ANK2: variants seen among roughly 807,000 people sequenced by gnomAD.
ANK2 encodes the protein ankyrin 2, also known as ankyrin-2.
In ANK2, 83 loss-of-function variants were observed where a neutral mutation model predicts 360.5. The observed-to-expected ratio is 0.23, with a 90% CI of 0.19 to 0.28. ANK2 has a LOEUF of 0.28. ANK2 is among the 10% of genes least tolerant of loss of function. The pLI, the probability that ANK2 is intolerant of heterozygous loss-of-function variation, is 1.00. For synonymous variants in ANK2, 1,740 were observed against 1,759.5 expected (o/e 0.99, Z 0.28); for missense variants, 4,201 against 4,795.7 (o/e 0.88, Z 3.66).
At chr4:112,874,449 T>C (rs2074326048) in intron 1 of ANK2, among the ~76,000 whole-genome samples, 1 of 149,456 alleles carries the variant, frequency 6.7e-6, no homozygotes, top group Non-Finnish European at 1.5e-5. Context: ...GAGACCAGCC[T>C]GACCAACATG....
intron 23 of ANK2, among the ~76,000 whole-genome samples, chr4:113,305,297 G>A (rs1033035125): frequency 4.4e-4 from 53 of 121,156 alleles, no homozygotes; most frequent in Non-Finnish European, 6.3e-4. Context: ...CCGAGATCCC[G>A]CCACTGCACT....
intron 1 of ANK2, among the ~76,000 whole-genome samples, chr4:113,162,739 T>C (rs1048603652): frequency 0.012 from 1,809 of 151,834 alleles, 28 homozygotes; most frequent in African/African-American, 0.042. Flanking sequence ...AGGTTTTTTT[T>C]TTTTTTTTTT....
At chr4:113,135,255 G>A (rs866273824) in intron 1 of ANK2, among the ~76,000 whole-genome samples, 7 of 152,172 alleles carry the variant, frequency 4.6e-5, no homozygotes, top group Admixed American at 1.3e-4. Flanking sequence ...AAGAAAAACT[G>A]TGGAGAGAGG....
chr4:113,287,749 G>T, intron 19 of ANK2, 46 bp downstream of exon 19: 1 of 1,497,310 alleles, frequency 6.7e-7, no homozygotes, highest in South Asian at 1.1e-5. Flanking sequence ...TGGCTGGGAT[G>T]ATTCCCAGTA....
In ANK2 at chr4:113,337,743, G is replaced by C. The variant is rs531922606; in HGVS notation, c.3796+962G>C. 5.9e-5 allele frequency among the ~76,000 whole-genome samples: 9 copies of C among 152,178 alleles called. No homozygotes were observed. In the South Asian group the frequency reaches 1.9e-3, roughly 32 times the overall value. On this transcript the variant is annotated intron_variant, in intron 31 of 45. Coordinates refer to ENST00000357077, the MANE Select transcript of ANK2 (RefSeq NM_001148.6). ...TTCCATAAGTTTAATAATAATGAGT[G>C]GGGGGAAATCATATGCTTCACTTAT... is the stretch of plus-strand genomic sequence containing the variant.
intron 2 of ANK2, among the ~76,000 whole-genome samples, chr4:112,933,622 T>C: frequency 6.6e-6 from 1 of 152,024 alleles, no homozygotes; most frequent in East Asian, 1.9e-4. Context: ...GGCCTCAGCC[T>C]CCCGAGTAGC....
the ANK2 span, among the ~76,000 whole-genome samples, chr4:112,756,679 A>G: frequency 1.2e-4 from 19 of 152,238 alleles, no homozygotes; most frequent in Non-Finnish European, 2.2e-4. Flanking sequence ...CTCGGCTGGA[A>G]AAATATTGAA....
chr4:113,286,502 T>A (rs928686716), intron 18 of ANK2, among the ~76,000 whole-genome samples: 7 of 152,170 alleles, frequency 4.6e-5, no homozygotes, highest in African/African-American at 1.7e-4. Context: ...TTTCCAGAAG[T>A]AGCACCATGG....
intron 1 of ANK2, among the ~76,000 whole-genome samples, chr4:112,895,723 T>A (rs1273189262): frequency 6.6e-6 from 1 of 152,200 alleles, no homozygotes; most frequent in Non-Finnish European, 1.5e-5. Flanking sequence ...CATAGTTTGG[T>A]TACATTGAAA....
At chr4:113,005,126 A>T (rs910684980) in intron 2 of ANK2, among the ~76,000 whole-genome samples, 1 of 152,176 alleles carries the variant, frequency 6.6e-6, no homozygotes, top group African/African-American at 2.4e-5. Context: ...AGGGAGAAAT[A>T]TTTGCAACTT....
the ANK2 span, among the ~76,000 whole-genome samples, chr4:112,751,108 C>T: frequency 6.6e-6 from 1 of 152,076 alleles, no homozygotes; most frequent in Non-Finnish European, 1.5e-5. Flanking sequence ...ATCATCATAA[C>T]CCAGTTTTCC....
intron 1 of ANK2, among the ~76,000 whole-genome samples, chr4:113,154,864 C>T (rs192135702): frequency 6.6e-6 from 1 of 152,280 alleles, no homozygotes; most frequent in Non-Finnish European, 1.5e-5. Context: ...CAGGCAGTTA[C>T]AGCTACATGC....
At position 112,827,494 on chromosome 4, in the gene ANK2, C is replaced by G. The variant is rs1170374358; in HGVS notation, c.-40+9230C>G. 9 of 1,313,176 alleles carry G rather than the reference C, an allele frequency of 6.9e-6. No homozygotes were observed. In the African/African-American group the frequency reaches 7.2e-5, roughly 11 times the overall value. The allele number at this position is 1,313,176 out of a possible 1,614,324, so 81.3% of individuals were successfully genotyped here. A position where few individuals can be genotyped will look rare whatever the true frequency, so the allele number is the denominator to read the frequency against. On this transcript the variant is annotated intron_variant, in intron 1 of 30. Transcript: ENST00000503271. ...GACATCCAGCCTGACAGTCACCAAA[C>G]AGTTGCTTCATCTAAGAATCACAAG...
intron 1 of ANK2, among the ~76,000 whole-genome samples, chr4:113,051,198 C>G (rs1486558022): frequency 6.6e-6 from 1 of 151,852 alleles, no homozygotes; most frequent in African/African-American, 2.4e-5. Flanking sequence ...AGAGCGCGAG[C>G]AAGCAAGAGA....
intron 2 of ANK2, among the ~76,000 whole-genome samples, chr4:112,993,333 C>T (rs943303772): frequency 1.3e-5 from 2 of 152,024 alleles, no homozygotes; most frequent in African/African-American, 4.8e-5. Flanking sequence ...GACAGAGTCT[C>T]GCTCTGTCAC....
intron 1 of ANK2, among the ~76,000 whole-genome samples, chr4:113,171,698 G>T (rs2097958902): frequency 6.6e-6 from 1 of 152,104 alleles, no homozygotes; most frequent in Admixed American, 6.5e-5. Flanking sequence ...AAAATTCTAA[G>T]GATTTGCTAT....
chr4:112,790,910 A>G, the ANK2 span, among the ~76,000 whole-genome samples: 1 of 152,280 alleles, frequency 6.6e-6, no homozygotes, highest in Admixed American at 6.5e-5. Flanking sequence ...TCAATCTTAC[A>G]GAGTATTTGA....
chr4:113,088,449 G>A (rs1252686912), intron 1 of ANK2, among the ~76,000 whole-genome samples: 2 of 152,072 alleles, frequency 1.3e-5, no homozygotes, highest in Non-Finnish European at 2.9e-5. Context: ...AAGTGGAAGC[G>A]TTTACCTATA....
intron 1 of ANK2, among the ~76,000 whole-genome samples, chr4:113,129,602 G>T (rs553020644): frequency 2.6e-4 from 39 of 152,276 alleles, no homozygotes; most frequent in African/African-American, 9.1e-4. Flanking sequence ...AATAGCACAT[G>T]CAAGGAGCTG....
Sources: allele counts gnomAD v4.1 joint callset (sites outside exome capture counted in the v4.1 genomes callset), GRCh38; gene constraint gnomAD v4.1.1; transcripts MANE v1.5; gene names NCBI Gene and HGNC (gene_info 2026-07-23, HGNC 2026-07-21).